NRXN3: variants seen among roughly 807,000 people sequenced by gnomAD.
The protein encoded by NRXN3 is neurexin 3.
Under a neutral mutation model 137.6 loss-of-function variants are expected in NRXN3, and 32 were observed. The ratio of observed to expected loss-of-function variants is 0.23; its 90% confidence interval spans 0.18 to 0.31. NRXN3 has a LOEUF of 0.31. NRXN3 is among the 10% of genes least tolerant of loss of function. The pLI is 1.00. For synonymous variants in NRXN3, 798 were observed against 784.5 expected, an observed-to-expected ratio of 1.02 and a Z score of -0.29; for missense variants, 1,574 against 2,062.5, an observed-to-expected ratio of 0.76 and a Z score of 4.59.
At chr14:79,059,090 A>G (rs1440006811) in intron 15 of NRXN3, among the ~76,000 whole-genome samples, 1 of 152,112 alleles carries the variant, frequency 6.6e-6, no homozygotes, top group Non-Finnish European at 1.5e-5. Context: ...ATTGGCCTCA[A>G]GGAACCTTAC....
chr14:79,075,593 T>C (rs1447075592), intron 15 of NRXN3, among the ~76,000 whole-genome samples: 1 of 152,172 alleles, frequency 6.6e-6, no homozygotes, highest in Non-Finnish European at 1.5e-5. Flanking sequence ...CAGTGGTGTA[T>C]ATTTCAGATA....
At chr14:79,179,197 A>T (rs56388152) in intron 15 of NRXN3, among the ~76,000 whole-genome samples, 3 of 151,982 alleles carry the variant, frequency 2.0e-5, no homozygotes, top group Non-Finnish European at 4.4e-5. Flanking sequence ...GATGTTTATG[A>T]GATTTCAAGC....
At chr14:78,854,179 C>T (rs2099050467) in intron 10 of NRXN3, among the ~76,000 whole-genome samples, 1 of 152,214 alleles carries the variant, frequency 6.6e-6, no homozygotes, top group Admixed American at 6.5e-5. Context: ...TGGCAGCTGT[C>T]ATCAGCCGAA....
At position 79,187,036 on chromosome 14, in the gene NRXN3, T is replaced by G. The variant is rs545235091; in HGVS notation, c.3262+198895T>G. Among the ~76,000 whole-genome samples the G allele has an allele frequency of 2.9e-4, 44 of 152,290 alleles. 1 individual carries two copies. The highest frequency in any genetic ancestry group is 2.7e-3 in the Admixed American group (42 of 15,292). On this transcript the variant is annotated intron_variant, in intron 15 of 20. Coordinates refer to ENST00000335750, the MANE Select transcript of NRXN3 (RefSeq NM_001330195.2). Reference sequence around the variant, plus strand: ...TGGACAGATTCCTTCCAATCGAGTTTCCTTCTTACCATTTTTCTGCTGTGA... The same window carrying G: ...TGGACAGATTCCTTCCAATCGAGTTGCCTTCTTACCATTTTTCTGCTGTGA...
intron 4 of NRXN3, among the ~76,000 whole-genome samples, chr14:78,377,400 T>C (rs771300372): frequency 1.3e-5 from 2 of 152,192 alleles, no homozygotes; most frequent in African/African-American, 4.8e-5. Flanking sequence ...TTGCAAAATG[T>C]GTGAAGCACA....
intron 8 of NRXN3, among the ~76,000 whole-genome samples, chr14:78,756,927 A>T (rs1595559420): frequency 6.6e-6 from 1 of 152,354 alleles, no homozygotes; most frequent in Admixed American, 6.5e-5. Flanking sequence ...AATGCTGTTT[A>T]AGTGTTTAAC....
At chr14:79,769,730 A>C (rs1034582208) in intron 19 of NRXN3, among the ~76,000 whole-genome samples, 1 of 152,116 alleles carries the variant, frequency 6.6e-6, no homozygotes, top group African/African-American at 2.4e-5. Context: ...GAGCAAAATA[A>C]CCAGCTAACA....
At chr14:78,209,599 G>C (rs2062549544) in intron 1 of NRXN3, among the ~76,000 whole-genome samples, 1 of 152,126 alleles carries the variant, frequency 6.6e-6, no homozygotes, top group Admixed American at 6.5e-5. Context: ...CAAGAGCAGG[G>C]AAAACTGCCT....
chr14:79,016,895 C>A (rs182023115), intron 15 of NRXN3, among the ~76,000 whole-genome samples: 1 of 152,154 alleles, frequency 6.6e-6, no homozygotes, highest in African/African-American at 2.4e-5. Context: ...GAGAAAATGG[C>A]CTTGGAACCA....
intron 6 of NRXN3, among the ~76,000 whole-genome samples, chr14:78,674,903 C>T (rs1465135357): frequency 6.6e-6 from 1 of 152,188 alleles, no homozygotes; most frequent in Non-Finnish European, 1.5e-5. Flanking sequence ...AAGCAAGGCT[C>T]TCTGTACTTA....
intron 19 of NRXN3, among the ~76,000 whole-genome samples, chr14:79,713,835 C>G (rs978421469): frequency 1.7e-4 from 26 of 151,574 alleles, no homozygotes; most frequent in African/African-American, 5.6e-4. Flanking sequence ...TTTTTTACAT[C>G]CAGAAATGAG....
At chr14:79,524,024 C>T (rs2097095449) in intron 16 of NRXN3, among the ~76,000 whole-genome samples, 2 of 152,080 alleles carry the variant, frequency 1.3e-5, no homozygotes, top group Admixed American at 6.6e-5. Flanking sequence ...GGAAGCATAC[C>T]CTGTTTAGCT....
At chr14:79,483,770 C>A (rs998486184) in intron 16 of NRXN3, among the ~76,000 whole-genome samples, 1 of 142,158 alleles carries the variant, frequency 7.0e-6, no homozygotes. Flanking sequence ...GGAAATGATG[C>A]GTGTGTGTGT....
intron 10 of NRXN3, among the ~76,000 whole-genome samples, chr14:78,868,077 A>C (rs2099091843): frequency 6.7e-6 from 1 of 149,810 alleles, no homozygotes; most frequent in African/African-American, 2.4e-5. Flanking sequence ...ATATAAATTT[A>C]CTTAATATAA....
At chr14:78,871,410 T>TA (rs1181197181) in intron 10 of NRXN3, among the ~76,000 whole-genome samples, 1 of 152,094 alleles carries the variant, frequency 6.6e-6, no homozygotes, top group East Asian at 1.9e-4. Context: ...CATCTTTTCT[T>TA]AAAAAATTAC....
chr14:78,779,816 A>T (rs1023544541), intron 8 of NRXN3, among the ~76,000 whole-genome samples: 25 of 152,250 alleles, frequency 1.6e-4, no homozygotes, highest in African/African-American at 6.0e-4. Context: ...TAAAGTCCTG[A>T]ATAAGTCATC....
intron 16 of NRXN3, among the ~76,000 whole-genome samples, chr14:79,493,456 C>G (rs1280297929): frequency 6.6e-6 from 1 of 152,212 alleles, no homozygotes; most frequent in Non-Finnish European, 1.5e-5. Flanking sequence ...ATCCTGGAAT[C>G]TTCTACTGGG....
chr14:78,635,093 T>C (rs112592169), intron 4 of NRXN3, among the ~76,000 whole-genome samples: 1,817 of 152,314 alleles, frequency 0.012, 51 homozygotes, highest in African/African-American at 0.042. Context: ...CTGATTGTCT[T>C]GTTTTCTCTA....
At chr14:78,180,777 C>T (rs1207271158) in intron 1 of NRXN3, among the ~76,000 whole-genome samples, 4 of 152,186 alleles carry the variant, frequency 2.6e-5, no homozygotes, top group Admixed American at 1.3e-4. Context: ...ACTCTATCAT[C>T]CCTTCCTTTC....
Sources: allele counts gnomAD v4.1 joint callset (sites outside exome capture counted in the v4.1 genomes callset), GRCh38; gene constraint gnomAD v4.1.1; transcripts MANE v1.5; gene names NCBI Gene and HGNC (gene_info 2026-07-23, HGNC 2026-07-21).